Variants in RBFOX2 observed in about 807,000 individuals in gnomAD.
RBFOX2 encodes RNA binding fox-1 homolog 2.
Under a neutral mutation model 49.1 loss-of-function variants are expected in RBFOX2, and 10 were observed. The observed-to-expected ratio is 0.20, with a 90% CI of 0.13 to 0.35. The LOEUF (loss-of-function observed/expected upper bound fraction) is 0.35. Ranked by LOEUF, RBFOX2 falls within the 10% of genes least tolerant of loss-of-function variation. RBFOX2 has a pLI of 1.00. For synonymous variants in RBFOX2, 183 were observed against 187.4 expected (o/e 0.98, Z 0.19); for missense variants, 323 against 486.9 (o/e 0.66, Z 3.17).
chr22:35,830,328 G>A (rs1395019649), intron 1 of RBFOX2, among the ~76,000 whole-genome samples: 1 of 152,230 alleles, frequency 6.6e-6, no homozygotes, highest in Admixed American at 6.5e-5. Flanking sequence ...ATGAAGCACA[G>A]AGGGACAACT....
At chr22:35,923,534 G>A (rs2051264209) in intron 1 of RBFOX2, among the ~76,000 whole-genome samples, 1 of 152,028 alleles carries the variant, frequency 6.6e-6, no homozygotes, top group African/African-American at 2.4e-5. Context: ...ACCACATCTG[G>A]CTAACTTCCA....
intron 1 of RBFOX2, among the ~76,000 whole-genome samples, chr22:35,960,816 T>C (rs1271464162): frequency 6.6e-6 from 1 of 152,194 alleles, no homozygotes; most frequent in East Asian, 1.9e-4. Flanking sequence ...TGTTAGGTAT[T>C]GAAAACGTTT....
At chr22:35,814,622 G>A (rs1233122770) in intron 1 of RBFOX2, among the ~76,000 whole-genome samples, 1 of 142,778 alleles carries the variant, frequency 7.0e-6, no homozygotes, top group Non-Finnish European at 1.5e-5. Context: ...GAGACAAGAG[G>A]ATCACTTGAG....
At chr22:35,882,357 C>T (rs1603433867) in intron 1 of RBFOX2, among the ~76,000 whole-genome samples, 3 of 152,158 alleles carry the variant, frequency 2.0e-5, no homozygotes, top group African/African-American at 7.2e-5. Context: ...GCAACTTGGA[C>T]TAGAGCCCTT....
chr22:35,956,174 T>C (rs1267201419), intron 1 of RBFOX2, among the ~76,000 whole-genome samples: 1 of 152,224 alleles, frequency 6.6e-6, no homozygotes, highest in Non-Finnish European at 1.5e-5. Flanking sequence ...CATCTCATTA[T>C]ATAACATCAA....
intron 2 of RBFOX2, 59 bp downstream of exon 3, chr22:35,809,721 C>A (rs866567775): frequency 1.9e-6 from 3 of 1,544,656 alleles, no homozygotes; most frequent in Non-Finnish European, 1.8e-6. Flanking sequence ...ATAATTAAGG[C>A]GACAATTTCT....
chr22:35,784,801 G>A (rs915193612), intron 2 of RBFOX2, among the ~76,000 whole-genome samples: 12 of 152,166 alleles, frequency 7.9e-5, no homozygotes, highest in African/African-American at 1.9e-4. Context: ...GCTGGTTGCC[G>A]TGAGAGGGCC....
At chr22:35,976,985 A>T (rs2057199552) in intron 1 of RBFOX2, among the ~76,000 whole-genome samples, 1 of 151,932 alleles carries the variant, frequency 6.6e-6, no homozygotes, top group Admixed American at 6.6e-5. Flanking sequence ...AAAAAGAAAA[A>T]GAAAAGCAAA....
chr22:35,880,116 C>T (rs1025020729), intron 1 of RBFOX2, among the ~76,000 whole-genome samples: 4 of 151,322 alleles, frequency 2.6e-5, no homozygotes, highest in South Asian at 2.1e-4. Flanking sequence ...GATCATGCCA[C>T]GGCACTGCAG....
At chr22:35,788,904 C>T (rs1375832339) in intron 2 of RBFOX2, among the ~76,000 whole-genome samples, 7 of 152,136 alleles carry the variant, frequency 4.6e-5, no homozygotes, top group Admixed American at 3.9e-4. Flanking sequence ...CATTTTCTTT[C>T]GGGAAGCTGT....
chr22:35,814,822 AGGAG>A (rs763564019), intron 1 of RBFOX2, among the ~76,000 whole-genome samples: 14 of 151,820 alleles, frequency 9.2e-5, no homozygotes, highest in Non-Finnish European at 1.3e-4. Context: ...TGGGAGGCCA[AGGAG>A]GGAGGATCTC....
chr22:35,991,549 G>C (rs748591482), intron 1 of RBFOX2, among the ~76,000 whole-genome samples: 2 of 152,210 alleles, frequency 1.3e-5, no homozygotes, highest in Non-Finnish European at 1.5e-5. Flanking sequence ...GTTTAAGTGA[G>C]CTTTTAGGAG....
rs3075271 is a variant in RBFOX2 at position 36,026,541 on chromosome 22, TACAC to T, written c.186+1695_186+1698del. On this transcript the variant is annotated intron_variant, in intron 1 of 13. Coordinates refer to the RBFOX2 transcript ENST00000438146. ...TTGACAGAAATGATAAATGAATACA[TACAC>T]ACACACACACACACACACACACACA... Among the ~76,000 whole-genome samples, 827 of 136,626 alleles carry T rather than the reference TACAC, an allele frequency of 6.1e-3. 6 individuals are homozygous for T. The highest frequency in any genetic ancestry group is 7.3e-3 in the Non-Finnish European group (467 of 63,770). The allele number at this position is 136,626 out of a possible 152,430, so 89.6% of individuals were successfully genotyped here.
intron 1 of RBFOX2, among the ~76,000 whole-genome samples, chr22:35,851,245 CA>C (rs1179527189): frequency 1.3e-5 from 2 of 152,142 alleles, no homozygotes; most frequent in Admixed American, 6.5e-5. Context: ...TTAGGAGGAC[CA>C]CTATACTCGA....
intron 11 of RBFOX2, among the ~76,000 whole-genome samples, chr22:35,744,676 T>A (rs1931736049): frequency 6.6e-6 from 1 of 152,230 alleles, no homozygotes; most frequent in African/African-American, 2.4e-5. Context: ...ACGTTACTTC[T>A]GACACGATCC....
chr22:35,962,451 C>T (rs2056288733), upstream of RBFOX2, among the ~76,000 whole-genome samples: 1 of 152,160 alleles, frequency 6.6e-6, no homozygotes, highest in Admixed American at 6.5e-5. Context: ...GTTTGGGTCC[C>T]TGTGTCAAAG....
chr22:36,020,422 T>G (rs2059199152), intron 1 of RBFOX2, among the ~76,000 whole-genome samples: 1 of 152,150 alleles, frequency 6.6e-6, no homozygotes, highest in African/African-American at 2.4e-5. Flanking sequence ...CTAAAGAGCT[T>G]CTGCACAGCA....
At position 35,877,522 on chromosome 22, in the gene RBFOX2, A is replaced by G. The variant is rs562638613; in HGVS notation, c.-34+61325T>C. ...ACTCAGAACTGCTGGGATGGGTCTGAAACGGTAACAATCATAACTAACATA... is the reference window on the plus strand; with the variant it reads ...ACTCAGAACTGCTGGGATGGGTCTGGAACGGTAACAATCATAACTAACATA... On this transcript the variant is annotated intron_variant, in intron 1 of 13. Transcript: ENST00000359369. Among the ~76,000 whole-genome samples the G allele has an allele frequency of 4.9e-4, 74 of 152,330 alleles. 1 individual carries two copies. Among genetic ancestry groups the G allele is most frequent in the South Asian group, 3.5e-3 (17 of 4,832 alleles).
chr22:36,028,576 C>G, exon 1 of RBFOX2: 1 of 739,502 alleles, frequency 1.4e-6, no homozygotes, highest in Non-Finnish European at 1.6e-6. Context: ...ACTCCGCGCC[C>G]CTCCGCGCCT....
Sources: gnomAD v4.1 joint callset for allele counts (sites outside exome capture counted in the v4.1 genomes callset) on GRCh38, gnomAD v4.1.1 for gene constraint, MANE v1.5 for transcripts, NCBI Gene and HGNC (gene_info 2026-07-23, HGNC 2026-07-21) for gene names.